MEGF11: variants seen among roughly 807,000 people sequenced by gnomAD.
MEGF11 encodes the protein multiple EGF like domains 11, also known as multiple epidermal growth factor-like domains protein 11.
Under a neutral mutation model 146.6 loss-of-function variants are expected in MEGF11, and 126 were observed. That is an observed-to-expected ratio of 0.86 (90% CI 0.74 to 1.00). The LOEUF (loss-of-function observed/expected upper bound fraction) is 1.00. Ranked by LOEUF, MEGF11 falls within the 50% of genes least tolerant of loss-of-function variation. The pLI is 0.00. For missense variants in MEGF11, 1,509 were observed against 1,521.2 expected (o/e 0.99, Z 0.13); for synonymous variants, 532 against 583.4 (o/e 0.91, Z 1.27).
At chr15:65,922,754 A>G in intron 14 of MEGF11, 69 bp downstream of exon 14, 1 of 1,549,638 alleles carries the variant, frequency 6.5e-7, no homozygotes, top group Non-Finnish European at 8.8e-7. Flanking sequence ...GGCCATGGCT[A>G]GTTCCAACTG....
intron 7 of MEGF11, among the ~76,000 whole-genome samples, chr15:65,971,422 A>G (rs1050770122): frequency 1.3e-5 from 2 of 151,878 alleles, no homozygotes; most frequent in African/African-American, 2.4e-5. Context: ...AGGGAATTAG[A>G]CCCCCAATCT....
At chr15:66,212,774 A>C (rs1282061525) in intron 1 of MEGF11, among the ~76,000 whole-genome samples, 1 of 100,908 alleles carries the variant, frequency 9.9e-6, no homozygotes, top group African/African-American at 4.1e-5. Flanking sequence ...CCCCACTGCC[A>C]GGGACTTCCT....
intron 10 of MEGF11, among the ~76,000 whole-genome samples, chr15:65,935,319 CAAGAAAAAAAAAAAAAAAAAAA>C (rs2079734600): frequency 1.7e-5 from 1 of 60,058 alleles, no homozygotes; most frequent in Non-Finnish European, 3.1e-5. Flanking sequence ...GACTCCGTCT[CAAGAAAAAAAAAAAAAAAAAAA>C]AAAAAAAAAA....
intron 5 of MEGF11, among the ~76,000 whole-genome samples, chr15:66,033,894 C>A (rs1328921488): frequency 6.6e-6 from 1 of 152,230 alleles, no homozygotes; most frequent in East Asian, 1.9e-4. Context: ...TGGGTTCAAG[C>A]AATTCTTTGC....
At chr15:66,165,370 T>A (rs892827561) in intron 1 of MEGF11, among the ~76,000 whole-genome samples, 1 of 152,174 alleles carries the variant, frequency 6.6e-6, no homozygotes, top group Non-Finnish European at 1.5e-5. Flanking sequence ...GTCCCTGATA[T>A]ACAGCAGGTG....
rs2078578080 is a variant in MEGF11 at position 65,904,759 on chromosome 15, C to T, written c.3055+1326G>A. ...CTTCACACATGCAGATTCCAGGGCCCCACTCTAGATTTGCATCAGAGTTTT... is the reference window on the plus strand; with the variant it reads ...CTTCACACATGCAGATTCCAGGGCCTCACTCTAGATTTGCATCAGAGTTTT... On this transcript the variant is annotated intron_variant, in intron 24 of 25. Coordinates refer to ENST00000395614, the MANE Select transcript of MEGF11 (RefSeq NM_001385028.1). 3.3e-5 allele frequency among the ~76,000 whole-genome samples: 5 copies of T among 152,260 alleles called. No individual in the cohort carries two copies. The Middle Eastern group carries it at 0.014, about 414-fold the overall frequency.
chr15:66,200,794 G>C (rs945686516), intron 1 of MEGF11, among the ~76,000 whole-genome samples: 1 of 152,182 alleles, frequency 6.6e-6, no homozygotes. Context: ...GGCCGGGTAT[G>C]AGCAAGCTCA....
chr15:66,111,399 C>T (rs375664675), intron 4 of MEGF11, among the ~76,000 whole-genome samples: 5 of 152,230 alleles, frequency 3.3e-5, no homozygotes, highest in Non-Finnish European at 5.9e-5. Context: ...TACAAAAGTG[C>T]TCCCAAAATA....
At chr15:65,999,047 CTTTTTT>C (rs35982125) in intron 5 of MEGF11, among the ~76,000 whole-genome samples, 6 of 143,954 alleles carry the variant, frequency 4.2e-5, no homozygotes, top group African/African-American at 1.3e-4. Flanking sequence ...GGTGTCACTT[CTTTTTT>C]TTTTTTTTTA....
rs376865517 is a variant in MEGF11, at chr15:65,916,876, C to T, written c.2167G>A (p.Gly723Arg). 18 of 1,590,646 alleles carry T rather than the reference C, an allele frequency of 1.1e-5. No homozygotes were observed. The highest frequency in any genetic ancestry group is 8.7e-5 in the Admixed American group (5 of 57,760). Residue 723 changes from glycine (G) to arginine (R), a missense_variant, in exon 17 of 26, where the codon GGG (glycine) becomes AGG (arginine). Coordinates refer to ENST00000395614, the MANE Select transcript of MEGF11 (RefSeq NM_001385028.1). Reference protein sequence around the residue: ...HNGASCSAEDGACHCTPGWTG... With the variant: ...HNGASCSAEDRACHCTPGWTG... ...CAGCCAGGGGTGCAGTGGCAGGCCC[C>T]GTCCTCGGCGCTGCAGCTCGCCCCG...
At chr15:65,914,078 G>T in intron 19 of MEGF11, 105 bp from the exon 20 acceptor site, 1 of 872,722 alleles carries the variant, frequency 1.1e-6, no homozygotes. Context: ...TAGGAGATCT[G>T]GTTCTGGCTT....
chr15:66,164,281 T>C (rs913992092), intron 1 of MEGF11, among the ~76,000 whole-genome samples: 1 of 152,222 alleles, frequency 6.6e-6, no homozygotes, highest in African/African-American at 2.4e-5. Context: ...CTCAGAATTG[T>C]TGCACTGCAC....
chr15:65,974,071 CAATT>C (rs924553240), intron 7 of MEGF11, among the ~76,000 whole-genome samples: 3 of 152,312 alleles, frequency 2.0e-5, no homozygotes, highest in Non-Finnish European at 4.4e-5. Context: ...GATGTTCCTC[CAATT>C]AATTAATCAA....
chr15:66,075,539 G>A (rs1038048730), intron 5 of MEGF11, among the ~76,000 whole-genome samples: 14 of 152,154 alleles, frequency 9.2e-5, no homozygotes, highest in Admixed American at 8.5e-4. Context: ...CAAGCCTCTC[G>A]ACTCTCACCA....
chr15:65,950,397 C>T (rs571734543), intron 10 of MEGF11, among the ~76,000 whole-genome samples: 207 of 152,114 alleles, frequency 1.4e-3, no homozygotes, highest in Non-Finnish European at 1.7e-3. Context: ...CCAGCCTGGG[C>T]AACATGGCAA....
chr15:66,213,622 G>A (rs753004953), intron 1 of MEGF11, among the ~76,000 whole-genome samples: 21 of 149,370 alleles, frequency 1.4e-4, no homozygotes, highest in South Asian at 4.2e-4. Flanking sequence ...TCGCCATGTC[G>A]CCCAGGCTGG....
intron 5 of MEGF11, among the ~76,000 whole-genome samples, chr15:66,071,927 A>G (rs997000884): frequency 6.6e-6 from 1 of 152,184 alleles, no homozygotes; most frequent in Non-Finnish European, 1.5e-5. Context: ...CTGACGGAAT[A>G]AATGAGCACC....
intron 15 of MEGF11, 44 bp downstream of exon 15, chr15:65,922,294 A>T (rs1210068592): frequency 6.3e-7 from 1 of 1,592,250 alleles, no homozygotes; most frequent in Admixed American, 1.7e-5. Flanking sequence ...TCCTCCCAGA[A>T]CCTCTCACCT....
intron 1 of MEGF11, among the ~76,000 whole-genome samples, chr15:66,151,776 C>A (rs1170224033): frequency 6.6e-6 from 1 of 152,198 alleles, no homozygotes; most frequent in Non-Finnish European, 1.5e-5. Flanking sequence ...TTCCTGGGAG[C>A]CAGAAACAAG....
Sources: gnomAD v4.1 joint callset for allele counts (sites outside exome capture counted in the v4.1 genomes callset) on GRCh38, gnomAD v4.1.1 for gene constraint, MANE v1.5 for transcripts, NCBI Gene and HGNC (gene_info 2026-07-23, HGNC 2026-07-21) for gene names.